The following STAG1 variants were observed in gnomAD, a reference collection of about 807,000 sequenced individuals.
STAG1 encodes cohesin subunit SA-1.
In STAG1, 26 loss-of-function variants were observed where a neutral mutation model predicts 170.9. The ratio of observed to expected loss-of-function variants is 0.15; its 90% confidence interval spans 0.11 to 0.21. The LOEUF (loss-of-function observed/expected upper bound fraction) is 0.21. Ranked by LOEUF, STAG1 falls within the 10% of genes least tolerant of loss-of-function variation. The pLI is 1.00. For missense variants in STAG1, 964 were observed against 1,509.5 expected (o/e 0.64, Z 5.99); for synonymous variants, 514 against 497.7 (o/e 1.03, Z -0.44).
At chr3:136,723,590 C>T (rs1933448226) in intron 1 of STAG1, among the ~76,000 whole-genome samples, 1 of 151,746 alleles carries the variant, frequency 6.6e-6, no homozygotes, top group Non-Finnish European at 1.5e-5. Flanking sequence ...GCCAGCCGCC[C>T]CGTCCAGGAG....
intron 4 of STAG1, among the ~76,000 whole-genome samples, chr3:136,579,171 G>T (rs1331261658): frequency 6.6e-6 from 1 of 152,134 alleles, no homozygotes; most frequent in Admixed American, 6.6e-5. Context: ...GCAGCCCCTG[G>T]AACTTGATAT....
chr3:136,739,503 C>CAAA (rs1165327249), intron 1 of STAG1, among the ~76,000 whole-genome samples: 31 of 45,668 alleles, frequency 6.8e-4, no homozygotes, highest in African/African-American at 9.4e-4. Context: ...CAGACTCCGT[C>CAAA]AAAAAAAAAA....
At chr3:136,631,096 G>A (rs1940312340) in intron 1 of STAG1, 115 bp from the exon 2 acceptor site, 2 of 525,390 alleles carry the variant, frequency 3.8e-6, no homozygotes, top group Non-Finnish European at 6.6e-6. Flanking sequence ...TTACCCAAAT[G>A]AGCTGAAAAC....
chr3:136,388,534 A>G (rs1257550582), intron 22 of STAG1, among the ~76,000 whole-genome samples: 1 of 152,034 alleles, frequency 6.6e-6, no homozygotes, highest in Non-Finnish European at 1.5e-5. Context: ...ACGCCCAGCT[A>G]ATTTTTATAT....
chr3:136,549,238 T>G (rs1006035219), intron 5 of STAG1, among the ~76,000 whole-genome samples: 1 of 152,228 alleles, frequency 6.6e-6, no homozygotes, highest in Admixed American at 6.5e-5. Context: ...TAAATTTATA[T>G]GTTGATGTTG....
chr3:136,648,688 T>G (rs1941114574), intron 1 of STAG1, among the ~76,000 whole-genome samples: 1 of 152,194 alleles, frequency 6.6e-6, no homozygotes, highest in South Asian at 2.1e-4. Context: ...TGATTTCCCC[T>G]TCTACCTACC....
chr3:136,626,103 AATG>A (rs1453902511), intron 2 of STAG1, among the ~76,000 whole-genome samples: 3 of 151,890 alleles, frequency 2.0e-5, no homozygotes, highest in Admixed American at 6.6e-5. Context: ...TAATATTGTA[AATG>A]ATGTCCAGGG....
chr3:136,499,934 A>G lies in STAG1; in HGVS notation c.902+289T>C, dbSNP rs150338184. The stretch of plus-strand genomic sequence containing the variant: ...TGTGAAAACAAGAATATCTTATTAA[A>G]GCTACATTAGTTTATGATCCTATTA... On this transcript the variant is annotated intron_variant, in intron 9 of 33. Coordinates refer to ENST00000383202, the MANE Select transcript of STAG1 (RefSeq NM_005862.3). 8.0e-5 allele frequency: 16 copies of G among 200,620 alleles called. No homozygotes were observed. In the East Asian group the frequency reaches 2.1e-3, roughly 27 times the overall value. The allele number at this position is 200,620 out of a possible 1,614,324, so 12.4% of individuals were successfully genotyped here. A position where few individuals can be genotyped will look rare whatever the true frequency, so the allele number is the denominator to read the frequency against.
intron 1 of STAG1, among the ~76,000 whole-genome samples, chr3:136,632,712 T>C (rs995121016): frequency 1.3e-5 from 2 of 152,136 alleles, no homozygotes; most frequent in African/African-American, 2.4e-5. Context: ...GCTACACGCA[T>C]GCCCAAGGCT....
chr3:136,634,569 C>A (rs1940474002), intron 1 of STAG1, among the ~76,000 whole-genome samples: 4 of 138,488 alleles, frequency 2.9e-5, no homozygotes, highest in African/African-American at 5.4e-5. Context: ...GCAGCAAAAG[C>A]AGTGCTCAGA....
intron 13 of STAG1, among the ~76,000 whole-genome samples, chr3:136,457,281 C>T (rs528210604): frequency 1.8e-4 from 28 of 152,222 alleles, no homozygotes; most frequent in South Asian, 1.0e-3. Context: ...CTGGAATGTG[C>T]GCAGACTTGT....
intron 6 of STAG1, among the ~76,000 whole-genome samples, chr3:136,526,148 C>T (rs1390174224): frequency 6.6e-6 from 1 of 152,154 alleles, no homozygotes; most frequent in Non-Finnish European, 1.5e-5. Context: ...TCCTGGATAT[C>T]CTTTTTAACT....
chr3:136,581,823 A>G (rs1015871135), intron 4 of STAG1, among the ~76,000 whole-genome samples: 3 of 152,202 alleles, frequency 2.0e-5, no homozygotes, highest in Admixed American at 1.3e-4. Flanking sequence ...TATTCAAGGA[A>G]TATCAACAGT....
chr3:136,417,813 T>C, intron 21 of STAG1, 72 bp downstream of exon 21: 1 of 1,125,136 alleles, frequency 8.9e-7, no homozygotes, highest in Non-Finnish European at 1.3e-6. Context: ...TATAAAAGGC[T>C]TCTGATAATC....
chr3:136,407,206 A>C (rs994036168), intron 21 of STAG1, among the ~76,000 whole-genome samples: 9 of 151,828 alleles, frequency 5.9e-5, no homozygotes, highest in African/African-American at 2.2e-4. Context: ...TTGTATTTTT[A>C]GTAAAGACAG....
chr3:136,357,867 T>A lies in STAG1; in HGVS notation c.2937-19A>T. On this transcript the variant is annotated intron_variant, in intron 27 of 33. Coordinates refer to ENST00000383202, the MANE Select transcript of STAG1 (RefSeq NM_005862.3). ...GCCATCCCTGAAGTAAAAGAAAATA[T>A]CAACTTATTTTTCCAGATAGTGTAA... 2 of 1,578,864 alleles carry A rather than the reference T, an allele frequency of 1.3e-6. No homozygotes were observed. The highest frequency in any genetic ancestry group is 1.7e-6 in the Non-Finnish European group (2 of 1,165,586).
At chr3:136,666,901 T>TC (rs1208563354) in intron 1 of STAG1, among the ~76,000 whole-genome samples, 3 of 148,782 alleles carry the variant, frequency 2.0e-5, no homozygotes, top group Non-Finnish European at 3.0e-5. Flanking sequence ...AAGAAGACAA[T>TC]ATAAGCAACA....
intron 14 of STAG1, among the ~76,000 whole-genome samples, chr3:136,446,183 T>G (rs2088772061): frequency 6.6e-6 from 1 of 152,208 alleles, no homozygotes; most frequent in South Asian, 2.1e-4. Flanking sequence ...AAAAACTAAT[T>G]AATAGATATT....
intron 1 of STAG1, among the ~76,000 whole-genome samples, chr3:136,668,436 ATTATAT>A (rs1026062449): frequency 2.5e-4 from 37 of 146,724 alleles, no homozygotes; most frequent in African/African-American, 7.9e-4. Flanking sequence ...ACATTTATAT[ATTATAT>A]TTATATTTAT....
Sources: allele counts gnomAD v4.1 joint callset (sites outside exome capture counted in the v4.1 genomes callset), GRCh38; gene constraint gnomAD v4.1.1; transcripts MANE v1.5; gene names NCBI Gene and HGNC (gene_info 2026-07-23, HGNC 2026-07-21).